LRP1B: variants seen among roughly 807,000 people sequenced by gnomAD.
The protein encoded by LRP1B is low-density lipoprotein receptor-related protein 1B.
Under a neutral mutation model 556.6 loss-of-function variants are expected in LRP1B, and 217 were observed. The ratio of observed to expected loss-of-function variants is 0.39; its 90% CI spans 0.35 to 0.44. The LOEUF (loss-of-function observed/expected upper bound fraction) is 0.44. LRP1B is among the 20% of genes least tolerant of loss of function. The pLI, the probability that LRP1B is intolerant of heterozygous loss-of-function variation, is 1.00. For synonymous variants in LRP1B, 2,047 were observed against 1,865.8 expected, an observed-to-expected ratio of 1.10 and a Z score of -2.50; for missense variants, 5,053 against 5,620.8, an observed-to-expected ratio of 0.90 and a Z score of 3.23.
intron 87 of LRP1B, among the ~76,000 whole-genome samples, chr2:140,244,665 A>C (rs1418898333): frequency 6.6e-6 from 1 of 151,262 alleles, no homozygotes; most frequent in Non-Finnish European, 1.5e-5. Context: ...TTTAAACATC[A>C]AAAGCCGGTG....
chr2:140,430,771 T>C (rs1685899855), intron 66 of LRP1B, among the ~76,000 whole-genome samples: 1 of 152,190 alleles, frequency 6.6e-6, no homozygotes, highest in Admixed American at 6.5e-5. Context: ...GAACATCTCA[T>C]TTCCTTTCCA....
At chr2:140,744,451 A>C (rs917077474) in intron 35 of LRP1B, among the ~76,000 whole-genome samples, 5 of 152,198 alleles carry the variant, frequency 3.3e-5, no homozygotes, top group Non-Finnish European at 7.4e-5. Flanking sequence ...CTTGCTTCCA[A>C]GTCATACATA....
At chr2:141,227,972 G>T (rs144798468) in intron 6 of LRP1B, among the ~76,000 whole-genome samples, 1 of 151,988 alleles carries the variant, frequency 6.6e-6, no homozygotes, top group South Asian at 2.1e-4. Flanking sequence ...TGTCACCCAG[G>T]TTGGAGTGCA....
chr2:141,712,729 G>A (rs1692409022), intron 2 of LRP1B, among the ~76,000 whole-genome samples: 1 of 151,854 alleles, frequency 6.6e-6, no homozygotes, highest in Non-Finnish European at 1.5e-5. Flanking sequence ...GAGTACAGTG[G>A]TGTGATCTTG....
chr2:141,283,362 T>C (rs1041470492), intron 3 of LRP1B, among the ~76,000 whole-genome samples: 5 of 151,900 alleles, frequency 3.3e-5, no homozygotes, highest in Non-Finnish European at 7.4e-5. Context: ...ACTGAGAAAG[T>C]ACATGGTATA....
chr2:141,993,221 G>A (rs1330805492), intron 1 of LRP1B, among the ~76,000 whole-genome samples: 1 of 152,016 alleles, frequency 6.6e-6, no homozygotes, highest in Non-Finnish European at 1.5e-5. Flanking sequence ...GCTATTGCTC[G>A]AGGACCACAA....
At chr2:141,211,304 T>A (rs71348764) in intron 6 of LRP1B, among the ~76,000 whole-genome samples, 117,881 of 147,644 alleles carry the variant, frequency 0.8, 47,880 homozygotes, top group East Asian at 0.88. Context: ...TCTTTTTTTT[T>A]AAAAAAAAAA....
intron 2 of LRP1B, among the ~76,000 whole-genome samples, chr2:141,652,418 T>C (rs1327319339): frequency 6.6e-6 from 1 of 152,240 alleles, no homozygotes; most frequent in Non-Finnish European, 1.5e-5. Context: ...AACAATGTTG[T>C]ATATGACTGG....
At chr2:141,105,027 T>C (rs1700569829) in intron 7 of LRP1B, among the ~76,000 whole-genome samples, 1 of 152,002 alleles carries the variant, frequency 6.6e-6, no homozygotes. Context: ...AATAAATAAA[T>C]AATAAATAAA....
At chr2:141,581,795 T>C (rs1254467150) in intron 2 of LRP1B, among the ~76,000 whole-genome samples, 1 of 152,164 alleles carries the variant, frequency 6.6e-6, no homozygotes, top group Non-Finnish European at 1.5e-5. Context: ...TTCCAAACAT[T>C]TGTGTCCTAC....
chr2:141,047,390 G>A (rs1444553121), intron 11 of LRP1B, among the ~76,000 whole-genome samples: 1 of 152,070 alleles, frequency 6.6e-6, no homozygotes, highest in Non-Finnish European at 1.5e-5. Context: ...TTGATTTAAA[G>A]TAAAGTTGTG....
intron 2 of LRP1B, among the ~76,000 whole-genome samples, chr2:141,507,851 C>T (rs916662426): frequency 2.0e-5 from 3 of 151,534 alleles, no homozygotes; most frequent in Admixed American, 6.6e-5. Context: ...TTTGGGAGTC[C>T]GAGGTGGATG....
intron 23 of LRP1B, among the ~76,000 whole-genome samples, chr2:140,897,584 C>A (rs1323671017): frequency 6.6e-6 from 1 of 152,132 alleles, no homozygotes; most frequent in East Asian, 1.9e-4. Flanking sequence ...AGAGGCAGAC[C>A]AACCTTTAAT....
chr2:141,474,220 T>C (rs76564844), intron 3 of LRP1B, among the ~76,000 whole-genome samples: 67,395 of 150,234 alleles, frequency 0.45, 15,214 homozygotes, highest in Non-Finnish European at 0.49. Context: ...TTCTGGAAAA[T>C]AAAAAAAAAA....
intron 5 of LRP1B, among the ~76,000 whole-genome samples, chr2:141,246,584 G>A (rs1361074866): frequency 6.6e-6 from 1 of 152,158 alleles, no homozygotes; most frequent in Admixed American, 6.5e-5. Flanking sequence ...ACCCAGTTAG[G>A]AAACTATCAT....
chr2:140,376,302 G>A (rs1013915550), intron 68 of LRP1B, among the ~76,000 whole-genome samples: 8 of 152,086 alleles, frequency 5.3e-5, no homozygotes, highest in South Asian at 2.1e-4. Flanking sequence ...ATTTGATTTC[G>A]CATATGCACT....
intron 2 of LRP1B, among the ~76,000 whole-genome samples, chr2:141,620,746 T>G (rs1417811694): frequency 1.3e-5 from 2 of 152,186 alleles, no homozygotes; most frequent in African/African-American, 4.8e-5. Flanking sequence ...ACCACTGTTT[T>G]GTTTTTTTCT....
At position 140,430,290 on chromosome 2, in the gene LRP1B, G is replaced by A. The variant is rs146718389; in HGVS notation, c.10414+12214C>T. ...CCTCACTCTCGCAAAAGGACTACGC[G>A]TCAATATTTATACTGATTCTAAATA... On this transcript the variant is annotated intron_variant, in intron 66 of 90. Transcript: ENST00000389484. 2.2e-3 allele frequency among the ~76,000 whole-genome samples: 341 copies of A among 152,254 alleles called. 1 individual carries two copies. The highest frequency in any genetic ancestry group is 7.4e-3 in the African/African-American group (308 of 41,548).
At chr2:140,934,358 T>C (rs1303970523) in intron 20 of LRP1B, among the ~76,000 whole-genome samples, 1 of 152,052 alleles carries the variant, frequency 6.6e-6, no homozygotes, top group African/African-American at 2.4e-5. Context: ...TTGGTAAATA[T>C]GAATTGAATG....
Sources: gnomAD v4.1 joint callset for allele counts (sites outside exome capture counted in the v4.1 genomes callset) on GRCh38, gnomAD v4.1.1 for gene constraint, MANE v1.5 for transcripts, NCBI Gene and HGNC (gene_info 2026-07-23, HGNC 2026-07-21) for gene names.